The following COA1 variants were observed in gnomAD, a reference collection of about 807,000 sequenced individuals.
The protein encoded by COA1 is cytochrome c oxidase assembly factor 1.
In COA1, 13 loss-of-function variants were observed where a neutral mutation model predicts 16.0. The observed-to-expected ratio is 0.81, with a 90% CI of 0.53 to 1.29. The LOEUF (loss-of-function observed/expected upper bound fraction) is 1.29, where lower values mean the gene tolerates loss of function less well. COA1 is among the 50% of genes most tolerant of loss of function. COA1 has a pLI of 0.00. For missense variants in COA1, 179 were observed against 177.0 expected (o/e 1.01, Z -0.06); for synonymous variants, 65 against 65.7 (o/e 0.99, Z 0.05).
At chr7:43,652,289 T>G (rs1471363845) in intron 1 of COA1, among the ~76,000 whole-genome samples, 4 of 152,166 alleles carry the variant, frequency 2.6e-5, no homozygotes, top group Admixed American at 2.6e-4. Context: ...GCATAACCTA[T>G]TCACTTCACC....
At chr7:43,692,553 C>G (rs1056064930) in intron 1 of COA1, among the ~76,000 whole-genome samples, 3 of 151,838 alleles carry the variant, frequency 2.0e-5, no homozygotes, top group African/African-American at 2.4e-5. Context: ...AAAAAAAAAC[C>G]ACCTTCCCCA....
At chr7:43,691,070 A>AAC (rs1182589036) in intron 1 of COA1, among the ~76,000 whole-genome samples, 1 of 136,982 alleles carries the variant, frequency 7.3e-6, no homozygotes, top group African/African-American at 2.9e-5. Flanking sequence ...AAAAAAAAAA[A>AAC]AAAAAAACAA....
intron 1 of COA1, among the ~76,000 whole-genome samples, chr7:43,723,158 G>C (rs916284908): frequency 6.6e-6 from 1 of 152,290 alleles, no homozygotes; most frequent in East Asian, 1.9e-4. Context: ...TTATCCCTTA[G>C]GGCTGCCCTT....
chr7:43,718,865 T>G (rs2095446877), intron 1 of COA1, among the ~76,000 whole-genome samples: 1 of 152,164 alleles, frequency 6.6e-6, no homozygotes, highest in Non-Finnish European at 1.5e-5. Context: ...TACTCTACAC[T>G]ATGTTGATGT....
intron 1 of COA1, among the ~76,000 whole-genome samples, chr7:43,699,981 A>G (rs923241527): frequency 2.0e-5 from 3 of 152,140 alleles, no homozygotes; most frequent in Admixed American, 6.6e-5. Flanking sequence ...TAAGCACTCT[A>G]AGGACAAGTG....
chr7:43,638,572 T>C (rs1480866317), downstream of COA1, among the ~76,000 whole-genome samples: 2 of 20,380 alleles, frequency 9.8e-5, no homozygotes, highest in African/African-American at 4.6e-4. Flanking sequence ...TTTCCTTTTT[T>C]TTTTTTTTTT....
At chr7:43,679,790 G>C (rs2093685695) in intron 1 of COA1, among the ~76,000 whole-genome samples, 1 of 152,144 alleles carries the variant, frequency 6.6e-6, no homozygotes, top group African/African-American at 2.4e-5. Context: ...CAGCAGAAAG[G>C]AAAAGGGGTC....
At chr7:43,653,818 G>A (rs1057289073) in intron 1 of COA1, among the ~76,000 whole-genome samples, 2 of 152,092 alleles carry the variant, frequency 1.3e-5, no homozygotes, top group African/African-American at 2.4e-5. Flanking sequence ...CCTGGAGAGA[G>A]GGTCCCTGTG....
intron 1 of COA1, among the ~76,000 whole-genome samples, chr7:43,685,565 T>C (rs1233959258): frequency 6.6e-6 from 1 of 152,258 alleles, no homozygotes; most frequent in Admixed American, 6.5e-5. Context: ...ATATCACAAG[T>C]ACTTAATCAA....
chr7:43,664,957 T>C (rs899309967), intron 1 of COA1, among the ~76,000 whole-genome samples: 3 of 152,228 alleles, frequency 2.0e-5, no homozygotes, highest in African/African-American at 4.8e-5. Context: ...TGTTCTCACA[T>C]GACTTTTCCT....
At chr7:43,625,066 A>G (rs2084357932) in intron 6 of COA1, 4 of 369,670 alleles carry the variant, frequency 1.1e-5, no homozygotes, top group East Asian at 4.3e-5. Context: ...GTTATTTTTA[A>G]GAAGGGAGAT....
At chr7:43,623,214 A>G (rs553516084) in intron 6 of COA1, 7 of 197,460 alleles carry the variant, frequency 3.5e-5, no homozygotes, top group East Asian at 1.6e-4. Context: ...GGGTGGGGCA[A>G]TGGAGAAGCA....
chr7:43,676,369 T>C (rs541233243), intron 1 of COA1, among the ~76,000 whole-genome samples: 1 of 152,066 alleles, frequency 6.6e-6, no homozygotes, highest in South Asian at 2.1e-4. Context: ...AACAGAATAA[T>C]GGGTAAAGAA....
At chr7:43,728,050 C>A (rs1363445507) in intron 1 of COA1, among the ~76,000 whole-genome samples, 2 of 151,382 alleles carry the variant, frequency 1.3e-5, no homozygotes, top group Non-Finnish European at 2.9e-5. Flanking sequence ...TCTCGGCTCA[C>A]TGCAAGCTCC....
At chr7:43,616,424 T>C (rs1479225460) in intron 6 of COA1, among the ~76,000 whole-genome samples, 1 of 152,174 alleles carries the variant, frequency 6.6e-6, no homozygotes, top group Non-Finnish European at 1.5e-5. Flanking sequence ...CCAACAAATA[T>C]AAATGTGTGG....
chr7:43,699,437 C>T (rs997684610), intron 1 of COA1, among the ~76,000 whole-genome samples: 1 of 152,066 alleles, frequency 6.6e-6, no homozygotes, highest in African/African-American at 2.4e-5. Flanking sequence ...AGCCAACCTA[C>T]TATTTGTTTT....
intron 1 of COA1, among the ~76,000 whole-genome samples, chr7:43,664,259 G>A (rs1443818423): frequency 3.9e-5 from 6 of 152,036 alleles, no homozygotes. Flanking sequence ...GGGATTACAG[G>A]CATGCAACAC....
chr7:43,713,228 A>G (rs2095304965), intron 1 of COA1, among the ~76,000 whole-genome samples: 1 of 152,204 alleles, frequency 6.6e-6, no homozygotes, highest in South Asian at 2.1e-4. Flanking sequence ...CTGGGGATAC[A>G]GGCATGAGCC....
At chr7:43,651,689 TAA>T (rs539990413) in intron 1 of COA1, among the ~76,000 whole-genome samples, 14,281 of 106,572 alleles carry the variant, frequency 0.13, 887 homozygotes, top group Non-Finnish European at 0.19. Context: ...AGGAAGAGCT[TAA>T]AAAAAAAAAA....
Sources: allele counts gnomAD v4.1 joint callset (sites outside exome capture counted in the v4.1 genomes callset), GRCh38; gene constraint gnomAD v4.1.1; transcripts MANE v1.5; gene names NCBI Gene and HGNC (gene_info 2026-07-23, HGNC 2026-07-21).